The following LRIF1 variants were observed in gnomAD, a reference collection of about 807,000 sequenced individuals.
LRIF1 encodes the protein ligand dependent nuclear receptor interacting factor 1.
Under a neutral mutation model 52.7 loss-of-function variants are expected in LRIF1, and 32 were observed. The ratio of observed to expected loss-of-function variants is 0.61; its 90% CI spans 0.46 to 0.82. The LOEUF (loss-of-function observed/expected upper bound fraction) is 0.82, where lower values mean the gene tolerates loss of function less well. LRIF1 is among the 40% of genes least tolerant of loss of function. LRIF1 has a pLI of 0.00. For synonymous variants in LRIF1, 323 were observed against 317.4 expected, an observed-to-expected ratio of 1.02 and a Z score of -0.19; for missense variants, 887 against 892.0, an observed-to-expected ratio of 0.99 and a Z score of 0.07.
chr1:110,910,872 A>G, the LRIF1 span, among the ~76,000 whole-genome samples: 1 of 152,238 alleles, frequency 6.6e-6, no homozygotes, highest in East Asian at 1.9e-4. Flanking sequence ...GAGAAATTTT[A>G]TAGTGTTAAA....
intron 2 of LRIF1, 99 bp downstream of exon 2, chr1:110,951,189 C>T: frequency 1.1e-6 from 1 of 951,346 alleles, no homozygotes; most frequent in Non-Finnish European, 1.6e-6. Flanking sequence ...ATGGGGTTGG[C>T]AGTGGGGGAA....
At chr1:110,961,915 T>C (rs894897234) in intron 1 of LRIF1, among the ~76,000 whole-genome samples, 1 of 152,076 alleles carries the variant, frequency 6.6e-6, no homozygotes, top group Non-Finnish European at 1.5e-5. Context: ...AAAACCTCAA[T>C]GATTTAAATA....
chr1:110,876,122 G>C, the LRIF1 span, among the ~76,000 whole-genome samples: 3 of 152,312 alleles, frequency 2.0e-5, no homozygotes, highest in South Asian at 2.1e-4. Context: ...AGATTATTTA[G>C]ATTCAAATAA....
chr1:110,887,571 C>T, the LRIF1 span, among the ~76,000 whole-genome samples: 1 of 152,178 alleles, frequency 6.6e-6, no homozygotes, highest in Non-Finnish European at 1.5e-5. Flanking sequence ...TTAGGATGCA[C>T]TTAAGTTACT....
chr1:110,944,252 G>C (rs1333683441), downstream of LRIF1: 1 of 152,184 alleles, frequency 6.6e-6, no homozygotes, highest in Non-Finnish European at 1.5e-5. Context: ...ATGACTTCAA[G>C]ATTTTGCCTG....
At chr1:110,945,657 C>T (rs1658187175), downstream of LRIF1, among the ~76,000 whole-genome samples, 1 of 152,186 alleles carries the variant, frequency 6.6e-6, no homozygotes, top group South Asian at 2.1e-4. Context: ...AAACTCCTTA[C>T]CTCAGGTGAT....
chr1:110,939,615 A>G, the LRIF1 span: 1 of 152,234 alleles, frequency 6.6e-6, no homozygotes, highest in African/African-American at 2.4e-5. Context: ...TAACCAAAAC[A>G]GCATGGCATT....
chr1:110,890,215 C>T, the LRIF1 span, among the ~76,000 whole-genome samples: 2 of 152,078 alleles, frequency 1.3e-5, no homozygotes, highest in East Asian at 1.9e-4. Context: ...ATATATCAGT[C>T]CTGTGCACGG....
At chr1:110,929,183 G>T in the LRIF1 span, among the ~76,000 whole-genome samples, 8 of 152,132 alleles carry the variant, frequency 5.3e-5, no homozygotes, top group Non-Finnish European at 8.8e-5. Context: ...CATTTAGATT[G>T]CTTCCATGTC....
At chr1:110,890,118 G>A in the LRIF1 span, among the ~76,000 whole-genome samples, 3 of 152,108 alleles carry the variant, frequency 2.0e-5, no homozygotes, top group African/African-American at 7.2e-5. Context: ...AACTGCAAAG[G>A]AGATACTATG....
the LRIF1 span, among the ~76,000 whole-genome samples, chr1:110,934,952 T>C: frequency 2.0e-5 from 3 of 152,200 alleles, no homozygotes; most frequent in African/African-American, 7.2e-5. Context: ...GAGGTGCTTG[T>C]GTCACTTCAT....
At chr1:110,891,472 G>A in the LRIF1 span, 1 of 1,611,708 alleles carries the variant, frequency 6.2e-7, no homozygotes, top group African/African-American at 1.3e-5. Context: ...GCTCTTTTGG[G>A]TAAGTGTATC....
At chr1:110,903,763 A>G in the LRIF1 span, among the ~76,000 whole-genome samples, 1 of 152,144 alleles carries the variant, frequency 6.6e-6, no homozygotes, top group Admixed American at 6.5e-5. Context: ...AGTAAAGGAG[A>G]CTTTGTCTTG....
At chr1:110,897,790 T>C in the LRIF1 span, 3 of 1,492,166 alleles carry the variant, frequency 2.0e-6, no homozygotes, top group Non-Finnish European at 2.8e-6. Flanking sequence ...GTATCATTTG[T>C]AACTGAAATG....
the LRIF1 span, among the ~76,000 whole-genome samples, chr1:110,896,988 G>A: frequency 6.6e-6 from 1 of 152,214 alleles, no homozygotes; most frequent in African/African-American, 2.4e-5. Flanking sequence ...TTACTTTTGT[G>A]TGAAAGTAGG....
chr1:110,887,366 T>C, the LRIF1 span, among the ~76,000 whole-genome samples: 1 of 151,468 alleles, frequency 6.6e-6, no homozygotes, highest in African/African-American at 2.5e-5. Flanking sequence ...GCCCAGCCTA[T>C]TTTTTTGAAA....
chr1:110,894,810 T>C, the LRIF1 span: 1 of 647,848 alleles, frequency 1.5e-6, no homozygotes, highest in Non-Finnish European at 2.8e-6. Flanking sequence ...TGTATGCCCA[T>C]AGATAAACAC....
chr1:110,956,873 A>G (rs1298133658), intron 1 of LRIF1, among the ~76,000 whole-genome samples: 3 of 152,162 alleles, frequency 2.0e-5, no homozygotes, highest in Non-Finnish European at 4.4e-5. Flanking sequence ...TTTCTTCTGC[A>G]GTCTATTTTC....
At position 110,951,489 on chromosome 1, in the gene LRIF1, G is replaced by A. The variant is rs770137818; in HGVS notation, c.1395C>T (p.Tyr465=). The A allele has an allele frequency of 1.1e-5, 18 of 1,613,988 alleles. No individual in the cohort carries two copies. In the Admixed American group the frequency reaches 2.3e-4, roughly 21 times the overall value. ...TGAATAAAGTCTTACTCTGTTTTAA[G>A]TAGTTACTGGATTGGTTCATATGTG... The part of the protein sequence containing the change: ...TNPHMNQSSN[Y]LKQSKTLFTN... The change falls in exon 2 of 4, where the codon TAC becomes TAT. Residue 465 remains tyrosine, a synonymous_variant. Coordinates refer to ENST00000369763, the MANE Select transcript of LRIF1 (RefSeq NM_018372.4).
Sources: gnomAD v4.1 joint callset for allele counts (sites outside exome capture counted in the v4.1 genomes callset) on GRCh38, gnomAD v4.1.1 for gene constraint, MANE v1.5 for transcripts, NCBI Gene and HGNC (gene_info 2026-07-23, HGNC 2026-07-21) for gene names.